Variants in SHROOM4 observed in about 807,000 individuals in gnomAD.
SHROOM4 encodes shroom family member 4.
Under a neutral mutation model 80.3 loss-of-function variants are expected in SHROOM4, and 17 were observed. That is an observed-to-expected ratio of 0.21 (90% CI 0.14 to 0.32). The LOEUF is 0.32. Among genes scored for constraint, SHROOM4 ranks in the 10% least tolerant of loss-of-function variants. The probability of loss-of-function intolerance (pLI) is 1.00; values close to 1 mark genes in which losing one functional copy is unlikely to be tolerated. For missense variants in SHROOM4, 993 were observed against 1,140.3 expected (o/e 0.87, Z 1.86); for synonymous variants, 400 against 437.5 (o/e 0.91, Z 1.07).
chrX:50,639,283 G>A (rs1356932254), intron 2 of SHROOM4, among the ~76,000 whole-genome samples: 1 of 110,837 alleles, frequency 9.0e-6, no homozygotes, highest in Admixed American at 9.6e-5. Context: ...GAGGGAGAAT[G>A]ACAGAAGGAG....
At chrX:50,678,358 A>C (rs1321377) in intron 2 of SHROOM4, among the ~76,000 whole-genome samples, 13,504 of 111,109 alleles carry the variant, frequency 0.12, 2,062 homozygotes, top group African/African-American at 0.42. Context: ...GCCTATCATA[A>C]CAAATTCTCT....
At position 50,592,771 on chromosome X, in the gene SHROOM4, A is replaced by T. The variant is rs1928934166; in HGVS notation, c.*3924T>A. The T allele has an allele frequency of 8.5e-6, 1 of 117,070 alleles. No homozygotes were observed. The highest frequency in any genetic ancestry group is 3.2e-4 in the South Asian group (1 of 3,084). The allele number at this position is 117,070 out of a possible 1,213,427, so 9.6% of individuals were successfully genotyped here. A position where few individuals can be genotyped will look rare whatever the true frequency, so the allele number is the denominator to read the frequency against. On this transcript the variant is annotated 3_prime_UTR_variant, in exon 9 of 9. Transcript: ENST00000376020. ...ACTAGACAGAATTCAAGATTGGAAG[A>T]AGTCTAGAAAGAATGGCTTACCTTC...
In SHROOM4 at chrX:50,594,096, A is replaced by G. The variant is rs1928995032; in HGVS notation, c.*2599T>C. 8.9e-6 allele frequency: 1 copy of G among 112,142 alleles called. No individual in the cohort carries two copies. Among genetic ancestry groups the G allele is most frequent in the Non-Finnish European group, 1.9e-5 (1 of 53,267 alleles). 9.2% of individuals were successfully genotyped at this position (112,142 alleles called of 1,213,427 possible). On this transcript the variant is annotated 3_prime_UTR_variant, in exon 9 of 9. Transcript: ENST00000376020. ...TTGACGGGAGACAGCAGAAGTTAAGACTGATAACTGTCTTTGGGGATCTCC... is the reference window on the plus strand; with the variant it reads ...TTGACGGGAGACAGCAGAAGTTAAGGCTGATAACTGTCTTTGGGGATCTCC...
At chrX:50,740,331 T>A (rs1265978219) in intron 1 of SHROOM4, among the ~76,000 whole-genome samples, 2 of 111,209 alleles carry the variant, frequency 1.8e-5, no homozygotes, top group South Asian at 3.8e-4. Context: ...AAGTATAATT[T>A]AAAAAAACTG....
At chrX:50,810,000 G>A (rs145880787) in intron 1 of SHROOM4, among the ~76,000 whole-genome samples, 1,908 of 110,821 alleles carry the variant, frequency 0.017, 23 homozygotes, top group Middle Eastern at 0.061. Context: ...ATAATCAATC[G>A]TATTTTATTT....
In SHROOM4 at chrX:50,722,685, A is replaced by G. The variant is rs1301784450; in HGVS notation, c.118-26748T>C. Among the ~76,000 whole-genome samples the G allele has an allele frequency of 3.6e-5, 4 of 110,861 alleles. No homozygotes were observed. The East Asian group carries it at 8.7e-4, about 24-fold the overall frequency. ...CTCTCTCTCCATGAATTTCTGAAATAGAACCCAGATGAAAAACCTGTTCAT... is the reference window on the plus strand; with the variant it reads ...CTCTCTCTCCATGAATTTCTGAAATGGAACCCAGATGAAAAACCTGTTCAT... On this transcript the variant is annotated intron_variant, in intron 1 of 8. Coordinates refer to ENST00000376020, the MANE Select transcript of SHROOM4 (RefSeq NM_020717.5).
intron 2 of SHROOM4, among the ~76,000 whole-genome samples, chrX:50,640,596 A>G (rs143715969): frequency 5.1e-4 from 57 of 111,508 alleles, no homozygotes; most frequent in African/African-American, 1.8e-3. Context: ...TTAAACGCCA[A>G]CTGAATTGGG....
In SHROOM4 at chrX:50,634,085, C is replaced by A. The variant is rs201675983; in HGVS notation, c.1988G>T (p.Arg663Met). ...GGCTTGGCTGAGGCACTCGGAAGAC[C>A]TAGCTCTGAGCATCATGCTTTTGTT... Reference protein sequence around the residue: ...LFNKSMMLRARSSECLSQAPE... With the variant: ...LFNKSMMLRAMSSECLSQAPE... Residue 663 changes from arginine (R) to methionine (M), a missense_variant, in exon 4 of 9, where the codon AGG (arginine) becomes ATG (methionine). Coordinates refer to ENST00000376020, the MANE Select transcript of SHROOM4 (RefSeq NM_020717.5). 8.3e-7 allele frequency: 1 copy of A among 1,210,195 alleles called. No individual in the cohort carries two copies. Among genetic ancestry groups the A allele is most frequent in the East Asian group, 3.0e-5 (1 of 33,736 alleles).
rs1254339675 is a variant in SHROOM4 at position 50,652,646 on chromosome X, C to T, written c.270-14338G>A. 2.7e-5 allele frequency among the ~76,000 whole-genome samples: 3 copies of T among 112,010 alleles called. No homozygotes were observed. The East Asian group carries it at 8.4e-4, about 31-fold the overall frequency. ...GTGTTTTAGACATGAAGTCTTTGCC[C>T]ATGGCTATGTCCTGAATGGTATTGC... On this transcript the variant is annotated intron_variant, in intron 2 of 8. Transcript: ENST00000376020.
chrX:50,749,189 G>C (rs1569548480), intron 1 of SHROOM4, among the ~76,000 whole-genome samples: 1 of 112,203 alleles, frequency 8.9e-6, no homozygotes, highest in East Asian at 2.8e-4. Flanking sequence ...TTCAGCGTGG[G>C]TGCCACAGTG....
At chrX:50,640,990 G>T (rs1931569885) in intron 2 of SHROOM4, among the ~76,000 whole-genome samples, 1 of 112,432 alleles carries the variant, frequency 8.9e-6, no homozygotes, top group Non-Finnish European at 1.9e-5. Context: ...CAAGTGCTTT[G>T]AATCAGGCCT....
chrX:50,705,462 C>T (rs1433547000), intron 1 of SHROOM4, among the ~76,000 whole-genome samples: 1 of 111,357 alleles, frequency 9.0e-6, no homozygotes, highest in African/African-American at 3.3e-5. Context: ...GACATCAGAC[C>T]TGCTTTTTAA....
chrX:50,699,410 C>T (rs782653075), intron 1 of SHROOM4, among the ~76,000 whole-genome samples: 65 of 112,000 alleles, frequency 5.8e-4, no homozygotes, highest in African/African-American at 2.1e-3. Context: ...CAGCTCTGGG[C>T]CTTTTCAGCT....
rs2024882095 is a variant in SHROOM4, at chrX:50,607,574, G to A, written c.3568C>T (p.His1190Tyr). 1 of 1,209,070 alleles carries A rather than the reference G, an allele frequency of 8.3e-7. No homozygotes were observed. Among genetic ancestry groups the A allele is most frequent in the African/African-American group, 1.8e-5 (1 of 56,877 alleles). Residue 1190 changes from histidine (H) to tyrosine (Y), a missense_variant, in exon 6 of 9, where the codon CAC becomes TAC. Transcript: ENST00000376020. Reference sequence around the variant, plus strand: ...GAACCCTGTCTCGAGCCCTCCAGGTGGCCAAAGCTGAGGGGTTGTGGCTGC... The same window carrying A: ...GAACCCTGTCTCGAGCCCTCCAGGTAGCCAAAGCTGAGGGGTTGTGGCTGC... ...LEQPQPLSFG[H>Y]LEGSRQGSQS...
Position 50,638,322 on chromosome X carries a change from G to A in SHROOM4, c.270-14C>T. On this transcript the variant is annotated splice_polypyrimidine_tract_variant and intron_variant, in intron 2 of 8. Coordinates refer to ENST00000376020, the MANE Select transcript of SHROOM4 (RefSeq NM_020717.5). The stretch of plus-strand genomic sequence containing the variant: ...GGGGCGTTCCTCCTACAGCAAGAAA[G>A]GGACAGGAAGTGGGCTGAAGGAACC... The A allele has an allele frequency of 8.3e-7, 1 of 1,211,568 alleles. No individual in the cohort carries two copies. The highest frequency in any genetic ancestry group is 1.1e-6 in the Non-Finnish European group (1 of 895,275).
At chrX:50,617,226 T>C (rs781964596) in intron 5 of SHROOM4, among the ~76,000 whole-genome samples, 7 of 112,454 alleles carry the variant, frequency 6.2e-5, no homozygotes, top group Non-Finnish European at 1.3e-4. Flanking sequence ...AATACCTATC[T>C]TACAAATAAG....
intron 7 of SHROOM4, among the ~76,000 whole-genome samples, chrX:50,599,723 A>T (rs951624362): frequency 9.0e-6 from 1 of 111,134 alleles, no homozygotes; most frequent in Non-Finnish European, 1.9e-5. Flanking sequence ...CTTCATTTTG[A>T]TTATTCCTAA....
rs782379498 is a variant in SHROOM4, at chrX:50,726,716, T to G, written c.118-30779A>C. Among the ~76,000 whole-genome samples, 10 of 113,269 alleles carry G rather than the reference T, an allele frequency of 8.8e-5. No individual in the cohort carries two copies. In the East Asian group the frequency reaches 2.8e-3, roughly 32 times the overall value. ...ATAAGAGCTGAGGTTTAGGAACCTC[T>G]GCCTAGATTTCAGAGGAGGTATGGA... On this transcript the variant is annotated intron_variant, in intron 1 of 8. Coordinates refer to ENST00000376020, the MANE Select transcript of SHROOM4 (RefSeq NM_020717.5).
intron 1 of SHROOM4, among the ~76,000 whole-genome samples, chrX:50,779,612 C>A (rs1457066604): frequency 9.0e-6 from 1 of 111,507 alleles, no homozygotes; most frequent in Non-Finnish European, 1.9e-5. Context: ...CATAGACTGC[C>A]CCTGTACAGG....
Sources: allele counts gnomAD v4.1 joint callset (sites outside exome capture counted in the v4.1 genomes callset), GRCh38; gene constraint gnomAD v4.1.1; transcripts MANE v1.5; gene names NCBI Gene and HGNC (gene_info 2026-07-23, HGNC 2026-07-21).